RMND1: variants seen among roughly 807,000 people sequenced by gnomAD.
RMND1 encodes the protein required for meiotic nuclear division 1 homolog, also known as required for meiotic nuclear division protein 1 homolog.
A neutral mutation model predicts 54.0 loss-of-function variants in RMND1; 41 were observed. That is an observed-to-expected ratio of 0.76 (90% confidence interval 0.59 to 0.98). RMND1 has a LOEUF of 0.98. RMND1 is among the 50% of genes least tolerant of loss of function. RMND1 has a pLI of 0.00. For missense variants in RMND1, 457 were observed against 532.0 expected (o/e 0.86, Z 1.39); for synonymous variants, 183 against 181.7 (o/e 1.01, Z -0.06).
At chr6:151,449,060 C>CAAAAAAAA (rs71014585) in intron 1 of RMND1, among the ~76,000 whole-genome samples, 344 of 18,676 alleles carry the variant, frequency 0.018, 85 homozygotes, top group African/African-American at 0.084. Flanking sequence ...GACTCTGTCT[C>CAAAAAAAA]AAAAAAAAAA....
chr6:151,410,766 T>A (rs920082732), intron 10 of RMND1, among the ~76,000 whole-genome samples: 12 of 152,228 alleles, frequency 7.9e-5, no homozygotes, highest in African/African-American at 2.9e-4. Flanking sequence ...ACAGAAGTTT[T>A]AAAATTTCAT....
chr6:151,415,078 G>T (rs149276679), intron 10 of RMND1, among the ~76,000 whole-genome samples: 2 of 150,542 alleles, frequency 1.3e-5, no homozygotes, highest in Non-Finnish European at 3.0e-5. Flanking sequence ...AGAAATCTTA[G>T]AAGATCAGAA....
Position 151,405,220 on chromosome 6 carries a change from T to A in RMND1, c.*15A>T, listed in dbSNP as rs746452260. 2 of 1,606,618 alleles carry A rather than the reference T, an allele frequency of 1.2e-6. No individual in the cohort carries two copies. Among genetic ancestry groups the A allele is most frequent in the African/African-American group, 2.7e-5 (2 of 74,738 alleles). On this transcript the variant is annotated 3_prime_UTR_variant, in exon 12 of 12. Coordinates refer to ENST00000444024, the MANE Select transcript of RMND1 (RefSeq NM_017909.4). ...CTTGAATATCTCTTGCAGTGACACTTTGGTTATCACTTGATCAGAAAAATA... is the reference window on the plus strand; with the variant it reads ...CTTGAATATCTCTTGCAGTGACACTATGGTTATCACTTGATCAGAAAAATA...
intron 2 of RMND1, 179 bp downstream of exon 2, chr6:151,445,129 T>C: frequency 1.7e-6 from 1 of 577,604 alleles, no homozygotes; most frequent in Non-Finnish European, 2.9e-6. Context: ...TATCATTAAT[T>C]GTTAAAAATT....
Position 151,445,371 on chromosome 6 carries a change from T to C in RMND1, c.441A>G (p.Pro147=), listed in dbSNP as rs1452357588. The change falls in exon 2 of 12, where the codon CCA becomes CCG. Residue 147 remains proline (P), a synonymous_variant. Coordinates refer to ENST00000444024, the MANE Select transcript of RMND1 (RefSeq NM_017909.4). The stretch of plus-strand genomic sequence containing the variant: ...GCTGTCTGGTCCTGGATGCTTTTAG[T>C]GGTCTCTTCACCTGTGGGAAGTCTT... ...PKQDFPQVKR[P]LKASRTRQPS... is the part of the protein sequence containing the mutation. The C allele has an allele frequency of 5.6e-6, 9 of 1,613,872 alleles. No homozygotes were observed. Among genetic ancestry groups the C allele is most frequent in the South Asian group, 1.1e-5 (1 of 91,072 alleles).
chr6:151,445,568 G>A lies in RMND1; in HGVS notation c.244C>T (p.Pro82Ser). The change falls in exon 2 of 12, where the codon CCA becomes TCA. Residue 82 changes from proline to serine, a missense_variant. By Grantham distance (74) the Pro-to-Ser change is moderately conservative. Coordinates refer to ENST00000444024, the MANE Select transcript of RMND1 (RefSeq NM_017909.4). ...QKKSDTSMLS[P>S]LNAARCQDEK... Reference sequence around the variant, plus strand: ...TCTTGGCAACGAGCAGCATTTAATGGAGACAGCATGCTGGTATCTGACTTT... The same window carrying A: ...TCTTGGCAACGAGCAGCATTTAATGAAGACAGCATGCTGGTATCTGACTTT... 2 of 1,614,202 alleles carry A rather than the reference G, an allele frequency of 1.2e-6. No homozygotes were observed. The highest frequency in any genetic ancestry group is 1.7e-6 in the Non-Finnish European group (2 of 1,180,040).
Position 151,448,164 on chromosome 6 carries a change from T to G in RMND1, c.-14-2339A>C, listed in dbSNP as rs571319067. Among the ~76,000 whole-genome samples, 22 of 152,262 alleles carry G rather than the reference T, an allele frequency of 1.4e-4. No individual in the cohort carries two copies. The East Asian group carries it at 3.7e-3, about 25-fold the overall frequency. ...GAAAGCCTAAGATTACATTTGTGCC[T>G]TACACTGTTTTTCTATCAGACAGGG... On this transcript the variant is annotated intron_variant, in intron 1 of 11. Coordinates refer to ENST00000444024, the MANE Select transcript of RMND1 (RefSeq NM_017909.4).
chr6:151,451,084 T>C (rs1781172283), intron 1 of RMND1, among the ~76,000 whole-genome samples: 5 of 151,966 alleles, frequency 3.3e-5, no homozygotes, highest in Admixed American at 3.3e-4. Flanking sequence ...CAGGGTCCTC[T>C]GCCTAGGAAA....
At position 151,452,084 on chromosome 6, in the gene RMND1, G is replaced by A. The variant is rs139290104; in HGVS notation, c.-83C>T. 1.9e-3 allele frequency: 325 copies of A among 168,342 alleles called. 2 individuals are homozygous for A. The highest frequency in any genetic ancestry group is 7.4e-3 in the African/African-American group (310 of 41,780). 10.4% of individuals were successfully genotyped at this position (168,342 alleles called of 1,614,324 possible). A position where few individuals can be genotyped will look rare whatever the true frequency, so the allele number is the denominator to read the frequency against. ...TCCTCGGCAGGACTGCAGGGAAAGA[G>A]CCGCACCCCCAGCCTCTCACTACTG... On this transcript the variant is annotated 5_prime_UTR_variant, in exon 1 of 12. Coordinates refer to ENST00000444024, the MANE Select transcript of RMND1 (RefSeq NM_017909.4).
In RMND1 at chr6:151,423,704, A is replaced by G. The variant is rs1177718803; in HGVS notation, c.831-73T>C. 9.0e-6 allele frequency: 9 copies of G among 999,184 alleles called. No homozygotes were observed. The East Asian group carries it at 1.4e-4, about 16-fold the overall frequency. The allele number at this position is 999,184 out of a possible 1,614,324, so 61.9% of individuals were successfully genotyped here. ...TAACTTTTCCTTTGAAAAAGACACCATATCATCTTTCTGGAGGTCATTTTG... is the reference window on the plus strand; with the variant it reads ...TAACTTTTCCTTTGAAAAAGACACCGTATCATCTTTCTGGAGGTCATTTTG... On this transcript the variant is annotated intron_variant, in intron 6 of 11. Coordinates refer to ENST00000444024, the MANE Select transcript of RMND1 (RefSeq NM_017909.4).
intron 7 of RMND1, 60 bp from the exon 8 acceptor site, chr6:151,422,665 T>C: frequency 1.3e-6 from 1 of 759,928 alleles, no homozygotes; most frequent in African/African-American, 1.8e-5. Context: ...GTATATAAAA[T>C]ACATAATTGC....
At chr6:151,405,480 T>G (rs532374702) in intron 11 of RMND1, among the ~76,000 whole-genome samples, 2 of 152,244 alleles carry the variant, frequency 1.3e-5, no homozygotes, top group Admixed American at 6.5e-5. Context: ...TTCCAAATGC[T>G]GTCTTTAAAA....
chr6:151,450,189 C>A (rs1035891696), intron 1 of RMND1, among the ~76,000 whole-genome samples: 16 of 141,754 alleles, frequency 1.1e-4, no homozygotes, highest in African/African-American at 4.0e-4. Context: ...GCCGCCATCC[C>A]ATCTAGGAAG....
At chr6:151,437,101 C>T (rs998830455) in intron 2 of RMND1, among the ~76,000 whole-genome samples, 2 of 152,198 alleles carry the variant, frequency 1.3e-5, no homozygotes, top group Non-Finnish European at 2.9e-5. Flanking sequence ...TGTACTTTGT[C>T]TCATGCCCCA....
intron 10 of RMND1, among the ~76,000 whole-genome samples, chr6:151,412,870 C>T (rs1779892862): frequency 6.6e-6 from 1 of 152,122 alleles, no homozygotes; most frequent in African/African-American, 2.4e-5. Context: ...GGGGATGGTG[C>T]CAAACCACTC....
intron 2 of RMND1, among the ~76,000 whole-genome samples, chr6:151,438,930 G>A (rs1349070682): frequency 3.9e-5 from 6 of 152,008 alleles, no homozygotes; most frequent in Admixed American, 2.6e-4. Flanking sequence ...CCTGGTCAAC[G>A]TGGTGAAACC....
At chr6:151,406,644 C>A (rs1290378097) in intron 10 of RMND1, among the ~76,000 whole-genome samples, 2 of 152,108 alleles carry the variant, frequency 1.3e-5, no homozygotes, top group African/African-American at 4.8e-5. Context: ...GCCACCGTGC[C>A]AGGCCTGGAT....
At chr6:151,436,061 C>T (rs1221782519) in intron 3 of RMND1, among the ~76,000 whole-genome samples, 4 of 150,748 alleles carry the variant, frequency 2.7e-5, no homozygotes, top group East Asian at 2.0e-4. Flanking sequence ...GCTGAGATCG[C>T]GCCATTGCAC....
In RMND1 at chr6:151,423,542, T is replaced by C. The variant is rs746632175; in HGVS notation, c.920A>G (p.Asn307Ser). 9.9e-6 allele frequency: 16 copies of C among 1,610,946 alleles called. No homozygotes were observed. The highest frequency in any genetic ancestry group is 3.3e-5 in the South Asian group (3 of 91,018). The stretch of plus-strand genomic sequence containing the variant: ...TAACTTACCAGAAAGGCATAGAGCA[T>C]TGGAGAAAGCAAACTTCTCTAGAAT... Reference protein sequence around the residue: ...DAILEKFAFSNALCLSVKLAI... With the variant: ...DAILEKFAFSSALCLSVKLAI... The change falls in exon 7 of 12, where the codon AAT (asparagine) becomes AGT (serine). Residue 307 changes from asparagine (N) to serine (S), a missense_variant. Physicochemically the swap from Asn to Ser is conservative, Grantham distance 46 (BLOSUM62 1). Coordinates refer to ENST00000444024, the MANE Select transcript of RMND1 (RefSeq NM_017909.4).
Sources: allele counts gnomAD v4.1 joint callset (sites outside exome capture counted in the v4.1 genomes callset), GRCh38; gene constraint gnomAD v4.1.1; transcripts MANE v1.5; gene names NCBI Gene and HGNC (gene_info 2026-07-23, HGNC 2026-07-21).